DOCK3: variants seen among roughly 807,000 people sequenced by gnomAD.
DOCK3 encodes the protein dedicator of cytokinesis protein 3.
DOCK3 carries 60 observed loss-of-function variants against 265.6 expected under a neutral mutation model. The ratio of observed to expected loss-of-function variants is 0.23; its 90% CI spans 0.18 to 0.28. The LOEUF is 0.28. Among genes scored for constraint, DOCK3 ranks in the 10% least tolerant of loss-of-function variants. The pLI is 1.00. For synonymous variants in DOCK3, 881 were observed against 938.0 expected (o/e 0.94, Z 1.11); for missense variants, 1,981 against 2,594.3 (o/e 0.76, Z 5.14).
intron 4 of DOCK3, among the ~76,000 whole-genome samples, chr3:50,894,105 T>C (rs1255699788): frequency 6.6e-6 from 1 of 151,996 alleles, no homozygotes; most frequent in Non-Finnish European, 1.5e-5. Flanking sequence ...GTTGTGCACA[T>C]GTACCCTAGA....
At chr3:51,298,595 T>C (rs1210084460) in intron 27 of DOCK3, among the ~76,000 whole-genome samples, 2 of 152,098 alleles carry the variant, frequency 1.3e-5, no homozygotes, top group Non-Finnish European at 2.9e-5. Context: ...CCAGTCTATG[T>C]TGTTTTCCTC....
chr3:50,809,375 C>T lies in DOCK3; in HGVS notation c.121+30617C>T, dbSNP rs547203371. Among the ~76,000 whole-genome samples the T allele has an allele frequency of 5.9e-5, 9 of 152,292 alleles. No individual in the cohort carries two copies. In the South Asian group the frequency reaches 1.9e-3, roughly 32 times the overall value. On this transcript the variant is annotated intron_variant, in intron 2 of 52. Coordinates refer to ENST00000266037, the MANE Select transcript of DOCK3 (RefSeq NM_004947.5). Reference sequence around the variant, plus strand: ...GCACGTTTAAACTGTAGTGAGCTACCACCAGATGGCCACTAGAATGTCTAA... The same window carrying T: ...GCACGTTTAAACTGTAGTGAGCTACTACCAGATGGCCACTAGAATGTCTAA...
intron 2 of DOCK3, among the ~76,000 whole-genome samples, chr3:50,782,346 A>G (rs2041963753): frequency 8.1e-6 from 1 of 122,810 alleles, no homozygotes; most frequent in Non-Finnish European, 1.6e-5. Flanking sequence ...GCTGGAGTGC[A>G]GTGGCGCGAT....
intron 32 of DOCK3, among the ~76,000 whole-genome samples, chr3:51,322,950 G>GGAGAAATA (rs140222303): frequency 6.6e-6 from 1 of 150,690 alleles, no homozygotes; most frequent in African/African-American, 2.4e-5. Flanking sequence ...ATAGAGGCAT[G>GGAGAAATA]CTTACCAAGC....
intron 5 of DOCK3, among the ~76,000 whole-genome samples, chr3:50,956,877 T>G (rs892595581): frequency 6.6e-6 from 1 of 152,210 alleles, no homozygotes; most frequent in African/African-American, 2.4e-5. Flanking sequence ...TTTATTTTAT[T>G]TTTGAGACAG....
intron 1 of DOCK3, among the ~76,000 whole-genome samples, chr3:50,736,870 G>C (rs1243187809): frequency 1.3e-5 from 2 of 151,684 alleles, no homozygotes; most frequent in East Asian, 1.9e-4. Flanking sequence ...CTAATTTTTT[G>C]TATTTTTAGT....
At chr3:51,312,968 A>G in intron 31 of DOCK3, 66 bp downstream of exon 31, 1 of 1,407,906 alleles carries the variant, frequency 7.1e-7, no homozygotes, top group Non-Finnish European at 9.9e-7. Flanking sequence ...TAGCAAGACT[A>G]ATAACATCTC....
intron 5 of DOCK3, among the ~76,000 whole-genome samples, chr3:50,973,071 T>TTTTTTC (rs2077297409): frequency 3.5e-5 from 5 of 144,900 alleles, no homozygotes; most frequent in African/African-American, 1.3e-4. Flanking sequence ...TTTTTTTTTT[T>TTTTTTC]TTGCAGTTCC....
chr3:51,252,070 T>C (rs1399073184), intron 22 of DOCK3, among the ~76,000 whole-genome samples: 1 of 152,206 alleles, frequency 6.6e-6, no homozygotes, highest in Non-Finnish European at 1.5e-5. Context: ...AGTTTCAGCT[T>C]TCTACATATG....
At chr3:51,018,023 C>T (rs2079426692) in intron 5 of DOCK3, among the ~76,000 whole-genome samples, 1 of 151,364 alleles carries the variant, frequency 6.6e-6, no homozygotes, top group Non-Finnish European at 1.5e-5. Context: ...CTCCCGAGTA[C>T]CTGGATTACA....
In DOCK3 at chr3:51,360,566, G is replaced by A. The variant is rs377729313; in HGVS notation, c.4940G>A (p.Arg1647Gln). ...SPACSGTSTPRGNVLASHSPM... is the reference protein window; with the variant it reads ...SPACSGTSTPQGNVLASHSPM... Reference sequence around the variant, plus strand: ...GCATGTTCAGGCACCAGCACCCCACGGGGAAATGTTCTGGCATCCCATAGC... The same window carrying A: ...GCATGTTCAGGCACCAGCACCCCACAGGGAAATGTTCTGGCATCCCATAGC... The change falls in exon 47 of 53, where the codon CGG (arginine) becomes CAG (glutamine). Residue 1647 changes from arginine to glutamine, a missense_variant. This residue lies in a region of DOCK3 where 1,357 missense variants were observed against 1,866.8 expected (regional missense o/e 0.73). Transcript: ENST00000266037. 16 of 1,613,226 alleles carry A rather than the reference G, an allele frequency of 9.9e-6. No homozygotes were observed. The Admixed American group carries it at 1.3e-4, about 13-fold the overall frequency.
At chr3:50,785,612 G>A (rs191997625) in intron 2 of DOCK3, among the ~76,000 whole-genome samples, 5 of 152,230 alleles carry the variant, frequency 3.3e-5, no homozygotes, top group African/African-American at 7.2e-5. Flanking sequence ...AGTATATCAC[G>A]TTTATTGACT....
chr3:51,026,464 A>G (rs2079828032), intron 5 of DOCK3, among the ~76,000 whole-genome samples: 1 of 148,176 alleles, frequency 6.7e-6, no homozygotes, highest in Non-Finnish European at 1.5e-5. Context: ...TGTCCTTGTC[A>G]GCTTTGGGTA....
At chr3:51,354,220 A>AC (rs144722987) in intron 40 of DOCK3, among the ~76,000 whole-genome samples, 47,636 of 128,386 alleles carry the variant, frequency 0.37, 8,044 homozygotes, top group African/African-American at 0.49. Flanking sequence ...CTTGATCACC[A>AC]CCCCCCCCCC....
chr3:51,178,752 C>T (rs1332074584), intron 12 of DOCK3, among the ~76,000 whole-genome samples: 1 of 152,118 alleles, frequency 6.6e-6, no homozygotes, highest in East Asian at 1.9e-4. Context: ...TTATAGTCAA[C>T]TTACTAGAAA....
rs1316786122 is a variant in DOCK3 at position 51,016,943 on chromosome 3, T to A, written c.316-47505T>A. On this transcript the variant is annotated intron_variant, in intron 5 of 52. Coordinates refer to ENST00000266037, the MANE Select transcript of DOCK3 (RefSeq NM_004947.5). Reference sequence around the variant, plus strand: ...ATATATTAATATATACAATATATGTTATATATAATATATATATTATATATA... The same window carrying A: ...ATATATTAATATATACAATATATGTAATATATAATATATATATTATATATA... 1.3e-4 allele frequency among the ~76,000 whole-genome samples: 5 copies of A among 37,678 alleles called. 1 individual carries two copies. Among genetic ancestry groups the A allele is most frequent in the African/African-American group, 7.3e-4 (5 of 6,830 alleles). 24.7% of individuals were successfully genotyped at this position (37,678 alleles called of 152,430 possible).
chr3:50,894,695 GTCA>G (rs1432014755), intron 4 of DOCK3, among the ~76,000 whole-genome samples: 3 of 152,026 alleles, frequency 2.0e-5, no homozygotes, highest in African/African-American at 7.2e-5. Flanking sequence ...TGTAAATTGT[GTCA>G]TCAACAATAA....
chr3:51,190,222 C>T (rs1223497412), intron 12 of DOCK3, among the ~76,000 whole-genome samples: 1 of 152,124 alleles, frequency 6.6e-6, no homozygotes, highest in Non-Finnish European at 1.5e-5. Context: ...TCCCTTAGAG[C>T]TAGATTGCTG....
At chr3:51,101,999 C>G (rs1335945590) in intron 9 of DOCK3, among the ~76,000 whole-genome samples, 2 of 152,164 alleles carry the variant, frequency 1.3e-5, no homozygotes, top group Non-Finnish European at 2.9e-5. Flanking sequence ...TGTTACCTTT[C>G]TTGAACTTCT....
Sources: gnomAD v4.1 joint callset for allele counts (sites outside exome capture counted in the v4.1 genomes callset) on GRCh38, gnomAD v4.1.1 for gene constraint, gnomAD v4.1.1 regional missense constraint, MANE v1.5 for transcripts, NCBI Gene and HGNC (gene_info 2026-07-23, HGNC 2026-07-21) for gene names.